Variants in MACC1 observed in about 807,000 individuals in gnomAD.
The protein encoded by MACC1 is MET transcriptional regulator MACC1, also known as metastasis-associated in colon cancer protein 1.
In MACC1, 79 loss-of-function variants were observed where a neutral mutation model predicts 70.7. The observed-to-expected ratio is 1.12, with a 90% CI of 0.93 to 1.35. The LOEUF (loss-of-function observed/expected upper bound fraction) is 1.35, where lower values mean the gene tolerates loss of function less well. Among genes scored for constraint, MACC1 ranks in the 40% most tolerant of loss-of-function variants. The pLI, the probability that MACC1 is intolerant of heterozygous loss-of-function variation, is 0.00. For missense variants in MACC1, 1,106 were observed against 978.1 expected (o/e 1.13, Z -1.74); for synonymous variants, 361 against 347.2 (o/e 1.04, Z -0.44).
chr7:20,208,948 T>C (rs375687336), intron 1 of MACC1, among the ~76,000 whole-genome samples: 29 of 152,318 alleles, frequency 1.9e-4, no homozygotes, highest in Non-Finnish European at 3.2e-4. Flanking sequence ...GCTCAGGTCA[T>C]TGCTCCAGAG....
chr7:20,182,627 G>A (rs1020911187), intron 1 of MACC1, among the ~76,000 whole-genome samples: 2 of 152,120 alleles, frequency 1.3e-5, no homozygotes, highest in African/African-American at 2.4e-5. Context: ...CTGGGCCTGG[G>A]AACAAACAGT....
At chr7:20,204,912 T>C (rs1452140264) in intron 1 of MACC1, among the ~76,000 whole-genome samples, 1 of 152,190 alleles carries the variant, frequency 6.6e-6, no homozygotes, top group Admixed American at 6.5e-5. Context: ...AGATTGTACA[T>C]TTTTTAACTA....
chr7:20,175,927 A>G (rs1782386129), intron 1 of MACC1, among the ~76,000 whole-genome samples: 1 of 152,166 alleles, frequency 6.6e-6, no homozygotes, highest in South Asian at 2.1e-4. Context: ...GCTACAAAGA[A>G]AAGACAACAC....
chr7:20,150,145 T>G (rs1273903824), intron 6 of MACC1, among the ~76,000 whole-genome samples: 1 of 152,028 alleles, frequency 6.6e-6, no homozygotes. Flanking sequence ...TTTTAAGAAA[T>G]ATTATAACAA....
rs544010315 is a variant in MACC1 at position 20,151,923 on chromosome 7, G to C, written c.2346+2270C>G. Among the ~76,000 whole-genome samples, 33 of 152,292 alleles carry C rather than the reference G, an allele frequency of 2.2e-4. 2 individuals carry two copies. The South Asian group carries it at 6.6e-3, about 31-fold the overall frequency. On this transcript the variant is annotated intron_variant, in intron 6 of 6. Coordinates refer to ENST00000400331, the MANE Select transcript of MACC1 (RefSeq NM_182762.4). ...AAAGTCATGGACTCTGAAGTCAAAT[G>C]TCTGTGCTCTAAACATGGTTCCAGG...
intron 1 of MACC1, among the ~76,000 whole-genome samples, chr7:20,178,695 G>A (rs1782452243): frequency 1.3e-5 from 2 of 152,186 alleles, no homozygotes; most frequent in Admixed American, 1.3e-4. Flanking sequence ...TGCCTCCCGG[G>A]TTCAAGCGAT....
rs890114742 is a variant in MACC1, at chr7:20,138,004, T to C, written c.*2942A>G. ...CTTGTCTCCACTAAAAATACAAAAA[T>C]TACCCGGACAAGGTGGTGCATGCCT... is the stretch of plus-strand genomic sequence containing the variant. On this transcript the variant is annotated 3_prime_UTR_variant, in exon 7 of 7. Transcript: ENST00000400331. 6 of 151,682 alleles carry C rather than the reference T, an allele frequency of 4.0e-5. No homozygotes were observed. The highest frequency in any genetic ancestry group is 2.1e-4 in the South Asian group (1 of 4,788). The allele number at this position is 151,682 out of a possible 1,614,324, so 9.4% of individuals were successfully genotyped here.
intron 1 of MACC1, among the ~76,000 whole-genome samples, chr7:20,191,108 C>T (rs570712416): frequency 6.6e-6 from 1 of 152,266 alleles, no homozygotes; most frequent in Non-Finnish European, 1.5e-5. Flanking sequence ...TCTATCACTC[C>T]GAGTCCAGTA....
At position 20,164,048 on chromosome 7, in the gene MACC1, T is replaced by A. The variant is rs148531278; in HGVS notation, c.-9+208A>T. Among the ~76,000 whole-genome samples the A allele has an allele frequency of 8.0e-3, 1,225 of 152,328 alleles. 64 individuals are homozygous for A. The highest frequency in any genetic ancestry group is 0.073 in the Admixed American group (1,110 of 15,294). ...ACTTCCTAGGTTCAAGTGATTCTCA[T>A]GCCTGAGCCTCCAGAGTAGCCGGGA... On this transcript the variant is annotated intron_variant, in intron 3 of 6. Coordinates refer to ENST00000400331, the MANE Select transcript of MACC1 (RefSeq NM_182762.4).
chr7:20,160,804 A>G (rs1183695132), intron 4 of MACC1, among the ~76,000 whole-genome samples: 1 of 152,110 alleles, frequency 6.6e-6, no homozygotes, highest in Non-Finnish European at 1.5e-5. Flanking sequence ...ATGCTAAGTT[A>G]GAAAGTCATT....
chr7:20,146,888 G>T (rs568874309), intron 6 of MACC1, among the ~76,000 whole-genome samples: 2 of 152,180 alleles, frequency 1.3e-5, no homozygotes, highest in African/African-American at 4.8e-5. Flanking sequence ...ATTTTTAATG[G>T]TAACTTCATG....
At position 20,138,573 on chromosome 7, in the gene MACC1, A is replaced by G. The variant is rs1344139847; in HGVS notation, c.*2373T>C. The G allele has an allele frequency of 6.6e-6, 1 of 152,110 alleles. No individual in the cohort carries two copies. The highest frequency in any genetic ancestry group is 1.5e-5 in the Non-Finnish European group (1 of 68,012). The allele number at this position is 152,110 out of a possible 1,614,324, so 9.4% of individuals were successfully genotyped here. A position where few individuals can be genotyped will look rare whatever the true frequency, so the allele number is the denominator to read the frequency against. ...TGTGCTTTTTTTTCCTTCTCTCATAATTTATTTTTAATTAAAATAAATTCT... is the reference window on the plus strand; with the variant it reads ...TGTGCTTTTTTTTCCTTCTCTCATAGTTTATTTTTAATTAAAATAAATTCT... On this transcript the variant is annotated 3_prime_UTR_variant, in exon 7 of 7. Coordinates refer to ENST00000400331, the MANE Select transcript of MACC1 (RefSeq NM_182762.4).
intron 1 of MACC1, among the ~76,000 whole-genome samples, chr7:20,192,399 G>A (rs904282923): frequency 6.6e-6 from 1 of 152,202 alleles, no homozygotes; most frequent in Non-Finnish European, 1.5e-5. Context: ...GCTGTTCACA[G>A]ATTTCAAAAT....
chr7:20,196,274 G>C (rs750617309), intron 1 of MACC1, among the ~76,000 whole-genome samples: 1 of 152,126 alleles, frequency 6.6e-6, no homozygotes, highest in Non-Finnish European at 1.5e-5. Context: ...TCCGCCTCCT[G>C]GGTTCACGCC....
In MACC1 at chr7:20,140,802, T is replaced by TACACACACACACAC; in HGVS notation, c.*130_*143dup. ...TGCTTTTCTGAGATTCTTTCTTTCC[T>TACACACACACACAC]ACACACACACACACACACACACAGA... On this transcript the variant is annotated 3_prime_UTR_variant, in exon 7 of 7. Coordinates refer to ENST00000400331, the MANE Select transcript of MACC1 (RefSeq NM_182762.4). 1 of 456,380 alleles carries TACACACACACACAC rather than the reference T, an allele frequency of 2.2e-6. No homozygotes were observed. The highest frequency in any genetic ancestry group is 3.6e-5 in the Admixed American group (1 of 27,720). The allele number at this position is 456,380 out of a possible 1,614,324, so 28.3% of individuals were successfully genotyped here.
At chr7:20,181,258 T>A (rs1782502394) in intron 1 of MACC1, among the ~76,000 whole-genome samples, 2 of 152,114 alleles carry the variant, frequency 1.3e-5, no homozygotes, top group South Asian at 4.1e-4. Flanking sequence ...ATAAAAATCT[T>A]ACATTATATA....
At chr7:20,156,122 T>C (rs918905587) in intron 5 of MACC1, among the ~76,000 whole-genome samples, 16 of 152,230 alleles carry the variant, frequency 1.1e-4, no homozygotes, top group African/African-American at 3.9e-4. Flanking sequence ...CTGAAGGGTT[T>C]GGATCCCACA....
chr7:20,167,438 T>G (rs1413207653), intron 2 of MACC1, among the ~76,000 whole-genome samples: 2 of 151,854 alleles, frequency 1.3e-5, no homozygotes, highest in Admixed American at 6.6e-5. Context: ...TCAGGCAATC[T>G]GCCTGCCTTG....
intron 3 of MACC1, among the ~76,000 whole-genome samples, chr7:20,163,759 C>G (rs1208678629): frequency 6.6e-6 from 1 of 152,124 alleles, no homozygotes; most frequent in Non-Finnish European, 1.5e-5. Context: ...AACTAAACCA[C>G]AAGATTGATT....
Sources: allele counts gnomAD v4.1 joint callset (sites outside exome capture counted in the v4.1 genomes callset), GRCh38; gene constraint gnomAD v4.1.1; transcripts MANE v1.5; gene names NCBI Gene and HGNC (gene_info 2026-07-23, HGNC 2026-07-21).